IRS4: variants seen among roughly 807,000 people sequenced by gnomAD.
The protein encoded by IRS4 is 160 kDa phosphotyrosine protein.
A neutral mutation model predicts 48.6 loss-of-function variants in IRS4; 15 were observed. That is an observed-to-expected ratio of 0.31 (90% CI 0.21 to 0.48). The LOEUF is 0.48. Among genes scored for constraint, IRS4 ranks in the 20% least tolerant of loss-of-function variants. IRS4 has a pLI of 0.99. For missense variants in IRS4, 987 were observed against 1,023.4 expected, an observed-to-expected ratio of 0.96 and a Z score of 0.49; for synonymous variants, 459 against 413.2, an observed-to-expected ratio of 1.11 and a Z score of -1.34.
At chrX:108,725,128 G>C (rs183316135) in intron 1 of IRS4, among the ~76,000 whole-genome samples, 1 of 111,359 alleles carries the variant, frequency 9.0e-6, no homozygotes, top group Non-Finnish European at 1.9e-5. Context: ...TTTGTAGGGT[G>C]AGCCAAGTAG....
At chrX:108,725,608 A>T (rs2068871284) in intron 1 of IRS4, among the ~76,000 whole-genome samples, 1 of 111,370 alleles carries the variant, frequency 9.0e-6, no homozygotes, top group Non-Finnish European at 1.9e-5. Flanking sequence ...ATAAGAAAGG[A>T]TCATCATACT....
At position 108,733,704 on chromosome X, in the gene IRS4, G is replaced by T. The variant is rs1237531768; in HGVS notation, c.2641C>A (p.Pro881Thr). ...GSPSKPSDHE[P>T]PKNKAKRPNR... ...GGTCTCTTAGCTTTATTCTTTGGGG[G>T]CTCATGATCTGAAGGCTTTGAAGGT... The change falls in exon 1 of 2, where the codon CCC becomes ACC. Residue 881 changes from proline (P) to threonine (T), a missense_variant. By Grantham distance (38) the Pro-to-Thr change is conservative (BLOSUM62 -1). Around this residue, in one of 4 missense-constraint regions of IRS4, gnomAD observed 720 missense variants for 660.3 expected, o/e 1.09. Transcript: ENST00000372129. The T allele has an allele frequency of 3.3e-6, 4 of 1,211,571 alleles. No homozygotes were observed. The highest frequency in any genetic ancestry group is 4.5e-6 in the Non-Finnish European group (4 of 895,488).
At position 108,722,420 on chromosome X, in the gene IRS4, C is replaced by A; in HGVS notation, c.*99G>T. ...ATTTGGGTTGCTTTCTACTCAGAAGCCTCTGAGTTTTCTTTCCTTTAGGCA... is the reference window on the plus strand; with the variant it reads ...ATTTGGGTTGCTTTCTACTCAGAAGACTCTGAGTTTTCTTTCCTTTAGGCA... On this transcript the variant is annotated 3_prime_UTR_variant, in exon 2 of 2. Transcript: ENST00000372129. The A allele has an allele frequency of 3.6e-6, 1 of 278,578 alleles. No individual in the cohort carries two copies. Among genetic ancestry groups the A allele is most frequent in the Non-Finnish European group, 6.8e-6 (1 of 147,626 alleles). 23.0% of individuals were successfully genotyped at this position (278,578 alleles called of 1,213,427 possible). A position where few individuals can be genotyped will look rare whatever the true frequency, so the allele number is the denominator to read the frequency against.
intron 1 of IRS4, among the ~76,000 whole-genome samples, chrX:108,731,726 T>C (rs2068902713): frequency 8.9e-6 from 1 of 112,024 alleles, no homozygotes; most frequent in African/African-American, 3.3e-5. Flanking sequence ...TTAAATGTTT[T>C]AACTGCTTTT....
Position 108,736,465 on chromosome X carries a change from G to T in IRS4, c.-121C>A. 1.9e-6 allele frequency: 2 copies of T among 1,077,109 alleles called. No homozygotes were observed. Among genetic ancestry groups the T allele is most frequent in the Non-Finnish European group, 2.5e-6 (2 of 800,626 alleles). 88.8% of individuals were successfully genotyped at this position (1,077,109 alleles called of 1,213,427 possible). On this transcript the variant is annotated 5_prime_UTR_variant, in exon 1 of 2. Transcript: ENST00000372129. ...CCAGCCCCCTCCTGCCTTGGCCCGCGCCCCCGCCCACTCCACTCTGAGCGC... is the reference window on the plus strand; with the variant it reads ...CCAGCCCCCTCCTGCCTTGGCCCGCTCCCCCGCCCACTCCACTCTGAGCGC...
Position 108,732,925 on chromosome X carries a change from G to A in IRS4, c.3420C>T (p.Leu1140=), listed in dbSNP as rs752109209. 3.4e-6 allele frequency: 4 copies of A among 1,182,329 alleles called. No homozygotes were observed. Among genetic ancestry groups the A allele is most frequent in the East Asian group, 3.0e-5 (1 of 33,410 alleles). The change falls in exon 1 of 2, where the codon CTC becomes CTT. Residue 1140 remains leucine, a synonymous_variant. Coordinates refer to ENST00000372129, the MANE Select transcript of IRS4 (RefSeq NM_001379150.1). ...CTGCGCCGATGCCCGGGGCTGCGGC[G>A]AGCGCGGAGGCCGCAGCTACAACTT... is the stretch of plus-strand genomic sequence containing the variant. ...LSQVVAAASA[L]AAAPGIGAAA... is the part of the protein sequence containing the mutation.
intron 1 of IRS4, chrX:108,726,593 C>T (rs1164469759): frequency 9.0e-6 from 1 of 111,249 alleles, no homozygotes; most frequent in Non-Finnish European, 1.9e-5. Context: ...TTCAAGGGCC[C>T]CATGGATACA....
In IRS4 at chrX:108,735,877, C is replaced by A. The variant is rs2068947894; in HGVS notation, c.468G>T (p.Val156=). Residue 156 remains valine, a synonymous_variant, in exon 1 of 2, where the codon GTG becomes GTT. Transcript: ENST00000372129. ...RVITLYQCFS[V]SQRADARYRH... ...GGTACCTTGCATCTGCTCGCTGGCT[C>A]ACGGAAAAGCACTGGTATAGGGTGA... The A allele has an allele frequency of 8.3e-7, 1 of 1,207,084 alleles. No individual in the cohort carries two copies. The highest frequency in any genetic ancestry group is 1.1e-6 in the Non-Finnish European group (1 of 894,082).
rs1489967603 is a variant in IRS4 at position 108,734,410 on chromosome X, T to C, written c.1935A>G (p.Gly645=). 4 of 1,209,847 alleles carry C rather than the reference T, an allele frequency of 3.3e-6. No homozygotes were observed. Among genetic ancestry groups the C allele is most frequent in the African/African-American group, 3.5e-5 (2 of 57,063 alleles). ...TGAATCTTCCCCCAGACTTCCCTTT[T>C]CCACCAGTTCCTCCAGCTGGTGGGG... ...PPPPPAGGTG[G]KGKSGGRFRL... The change falls in exon 1 of 2, where the codon GGA becomes GGG. Residue 645 remains glycine, a synonymous_variant. Transcript: ENST00000372129.
intron 1 of IRS4, among the ~76,000 whole-genome samples, chrX:108,727,243 G>T (rs1026591493): frequency 2.7e-5 from 3 of 112,014 alleles, no homozygotes; most frequent in African/African-American, 9.7e-5. Context: ...TAATTATTCA[G>T]CCAGAAGTTG....
chrX:108,731,375 T>G (rs929507841), intron 1 of IRS4, among the ~76,000 whole-genome samples: 3 of 111,309 alleles, frequency 2.7e-5, no homozygotes, highest in African/African-American at 9.8e-5. Context: ...CTAAACTGAC[T>G]ACTGGAATGA....
chrX:108,736,488 C>A lies in IRS4; in HGVS notation c.-144G>T. 1 of 966,973 alleles carries A rather than the reference C, an allele frequency of 1.0e-6. No homozygotes were observed. The highest frequency in any genetic ancestry group is 1.4e-6 in the Non-Finnish European group (1 of 708,710). The allele number at this position is 966,973 out of a possible 1,213,427, so 79.7% of individuals were successfully genotyped here. A position where few individuals can be genotyped will look rare whatever the true frequency, so the allele number is the denominator to read the frequency against. On this transcript the variant is annotated 5_prime_UTR_variant, in exon 1 of 2. Transcript: ENST00000372129. Reference sequence around the variant, plus strand: ...GCGCCCCCGCCCACTCCACTCTGAGCGCACGACAGCGGGCAAAACAACACG... The same window carrying A: ...GCGCCCCCGCCCACTCCACTCTGAGAGCACGACAGCGGGCAAAACAACACG...
chrX:108,730,594 C>A (rs758278304), intron 1 of IRS4, among the ~76,000 whole-genome samples: 1 of 111,667 alleles, frequency 9.0e-6, no homozygotes, highest in African/African-American at 3.2e-5. Context: ...TTGCTAAAGT[C>A]ACTCAATAAA....
intron 1 of IRS4, chrX:108,725,943 C>T (rs892412984): frequency 3.6e-5 from 4 of 111,866 alleles, no homozygotes; most frequent in Non-Finnish European, 7.5e-5. Context: ...GCATTCCAGT[C>T]TTGAGTATCT....
Position 108,735,187 on chromosome X carries a change from G to A in IRS4, c.1158C>T (p.Ile386=), listed in dbSNP as rs772063061. 8.3e-6 allele frequency: 10 copies of A among 1,211,291 alleles called. No homozygotes were observed. Among genetic ancestry groups the A allele is most frequent in the Non-Finnish European group, 1.0e-5 (9 of 895,492 alleles). The change falls in exon 1 of 2, where the codon ATC becomes ATT. Residue 386 remains isoleucine, a synonymous_variant. Coordinates refer to ENST00000372129, the MANE Select transcript of IRS4 (RefSeq NM_001379150.1). ...AAAGCATCTCGTCTTCCCCGTCGCC[G>A]ATGGCCCTGAGGTGGCAAAACTGCT... The part of the protein sequence containing the change: ...RFEQFCHLRA[I]GDGEDEMLFT...
At position 108,732,884 on chromosome X, in the gene IRS4, C is replaced by G; in HGVS notation, c.3461G>C (p.Gly1154Ala). ...CCAGCGGGCAGAGGCGGAGTCAAAT[C>G]CAGCAGCTGCGGCTGCTGCGCCGAT... ...PGIGAAAAAA[G>A]FDSASARWFQ... Residue 1154 changes from glycine to alanine, a missense_variant, in exon 1 of 2, where the codon GGA becomes GCA. Physicochemically the swap from Gly to Ala is moderately conservative, Grantham distance 60. Transcript: ENST00000372129. The G allele has an allele frequency of 8.6e-7, 1 of 1,168,353 alleles. No individual in the cohort carries two copies. The highest frequency in any genetic ancestry group is 3.0e-5 in the East Asian group (1 of 33,384).
rs186190034 is a variant in IRS4 at position 108,724,930 on chromosome X, A to G, written c.3767-2407T>C. 4.5e-4 allele frequency: 50 copies of G among 112,091 alleles called. No homozygotes were observed. The East Asian group carries it at 0.014, about 31-fold the overall frequency. 9.2% of individuals were successfully genotyped at this position (112,091 alleles called of 1,213,427 possible). ...CAGGTAATTTTTCTCTGTAATATAG[A>G]AAACCTCAGTGGACTCTGATGAGTC... On this transcript the variant is annotated intron_variant, in intron 1 of 1. Transcript: ENST00000372129.
Position 108,736,030 on chromosome X carries a change from G to A in IRS4, c.315C>T (p.Ala105=). The part of the protein sequence containing the change: ...YFVLKLETAD[A]PARLEYYENA... ...TTTCGTAGTATTCCAGCCGAGCTGG[G>A]GCGTCAGCAGTCTCGAGTTTGAGCA... The change falls in exon 1 of 2, where the codon GCC becomes GCT. Residue 105 remains alanine (A), a synonymous_variant. Coordinates refer to ENST00000372129, the MANE Select transcript of IRS4 (RefSeq NM_001379150.1). The A allele has an allele frequency of 8.3e-7, 1 of 1,210,550 alleles. No homozygotes were observed.
chrX:108,728,781 G>A (rs980869285), intron 1 of IRS4, among the ~76,000 whole-genome samples: 2 of 111,903 alleles, frequency 1.8e-5, no homozygotes, highest in African/African-American at 6.5e-5. Context: ...AGAAGCCTAA[G>A]TTTGTTCCCA....
Sources: allele counts gnomAD v4.1 joint callset (sites outside exome capture counted in the v4.1 genomes callset), GRCh38; gene constraint gnomAD v4.1.1; regional missense constraint gnomAD v4.1.1; transcripts MANE v1.5; gene names NCBI Gene and HGNC (gene_info 2026-07-23, HGNC 2026-07-21).